The following MGST1 variants were observed in gnomAD, a reference collection of about 807,000 sequenced individuals.
The protein encoded by MGST1 is glutathione S-transferase 12.
In MGST1, 5 loss-of-function variants were observed where a neutral mutation model predicts 8.9. The ratio of observed to expected loss-of-function variants is 0.56; its 90% confidence interval spans 0.29 to 1.19. The LOEUF (loss-of-function observed/expected upper bound fraction) is 1.19. MGST1 is among the 50% of genes most tolerant of loss of function. The pLI, the probability that MGST1 is intolerant of heterozygous loss-of-function variation, is 0.08. For synonymous variants in MGST1, 54 were observed against 67.8 expected (o/e 0.80, Z 1.00); for missense variants, 182 against 187.4 (o/e 0.97, Z 0.17).
rs1288126537 is a variant in MGST1, at chr12:16,482,180, A to T, written n.482+98576A>T. The stretch of plus-strand genomic sequence containing the variant: ...ATGAAAACCAAAGCAAATTACCACC[A>T]GTAGACCTCCAAATTCTGAACTTCT... On this transcript the variant is annotated intron_variant and non_coding_transcript_variant, in intron 4 of 4. Transcript: ENST00000538857. The surrounding 1 kb of genome is among the most constrained non-coding windows in gnomAD (Gnocchi z 4.2). 6.6e-6 allele frequency among the ~76,000 whole-genome samples: 1 copy of T among 152,276 alleles called. No individual in the cohort carries two copies. Among genetic ancestry groups the T allele is most frequent in the Admixed American group, 6.5e-5 (1 of 15,294 alleles).
At chr12:16,541,335 TTC>T (rs1389851218) in intron 4 of MGST1, among the ~76,000 whole-genome samples, 3 of 152,214 alleles carry the variant, frequency 2.0e-5, no homozygotes, top group Non-Finnish European at 4.4e-5. Context: ...CTTTCAAAAC[TTC>T]TTTTATATCT....
chr12:16,553,164 A>T (rs2137259983), intron 4 of MGST1, among the ~76,000 whole-genome samples: 1 of 152,278 alleles, frequency 6.6e-6, no homozygotes, highest in East Asian at 1.9e-4. Flanking sequence ...CAACCTAGAA[A>T]GTAAGCATTG....
At chr12:16,351,027 A>G (rs760358059) in intron 1 of MGST1, among the ~76,000 whole-genome samples, 8 of 151,804 alleles carry the variant, frequency 5.3e-5, no homozygotes, top group Non-Finnish European at 1.0e-4. Flanking sequence ...TTCAATACTG[A>G]TTTTCAATGA....
chr12:16,401,773 G>A lies in MGST1; in HGVS notation n.778+18169G>A. On this transcript the variant is annotated intron_variant and non_coding_transcript_variant, in intron 1 of 1. Coordinates refer to the MGST1 transcript ENST00000359720. The surrounding 1 kb of genome is among the most constrained non-coding windows in gnomAD (Gnocchi z 4.3). The stretch of plus-strand genomic sequence containing the variant: ...ACGGCCTTTTCCACAGACTCAGCCA[G>A]TTTGCTGTGTCAAACTTTCTCATCT... 1 of 1,600,566 alleles carries A rather than the reference G, an allele frequency of 6.2e-7. No individual in the cohort carries two copies. Among genetic ancestry groups the A allele is most frequent in the Non-Finnish European group, 8.6e-7 (1 of 1,167,640 alleles).
intron 4 of MGST1, among the ~76,000 whole-genome samples, chr12:16,449,694 C>T (rs953112256): frequency 1.3e-5 from 2 of 151,896 alleles, no homozygotes; most frequent in African/African-American, 4.8e-5. Flanking sequence ...TGATAAAATC[C>T]TACTCATTTA....
intron 1 of MGST1, among the ~76,000 whole-genome samples, chr12:16,432,044 C>G (rs1435098729): frequency 6.6e-6 from 1 of 152,096 alleles, no homozygotes; most frequent in Non-Finnish European, 1.5e-5. Context: ...TTCAATACTA[C>G]TACTTGATGT....
exon 4 of MGST1, chr12:16,376,367 T>G (rs1322844937): frequency 1.4e-5 from 5 of 369,220 alleles, no homozygotes; most frequent in Non-Finnish European, 2.4e-5. Context: ...ATACCATCTA[T>G]GAAACTGTGT....
chr12:16,585,561 C>T lies in MGST1; in HGVS notation n.483-3967C>T, dbSNP rs554426799. ...TCACAATCTCCCCTTTCCTAAATTCCTCTCACTCAGCTATCTGAGCATCTC... is the reference window on the plus strand; with the variant it reads ...TCACAATCTCCCCTTTCCTAAATTCTTCTCACTCAGCTATCTGAGCATCTC... On this transcript the variant is annotated intron_variant and non_coding_transcript_variant, in intron 4 of 4. Transcript: ENST00000538857. This position sits in a 1 kb window ranked among gnomAD's most constrained non-coding sequence, Gnocchi z 4.7. Among the ~76,000 whole-genome samples the T allele has an allele frequency of 1.4e-4, 21 of 152,258 alleles. No homozygotes were observed. Among genetic ancestry groups the T allele is most frequent in the African/African-American group, 4.8e-4 (20 of 41,550 alleles).
At chr12:16,457,295 C>G (rs1480429616) in intron 4 of MGST1, among the ~76,000 whole-genome samples, 1 of 151,870 alleles carries the variant, frequency 6.6e-6, no homozygotes, top group East Asian at 1.9e-4. Flanking sequence ...TATGTATATA[C>G]ATTTACATTT....
chr12:16,368,343 A>G (rs1940229689), downstream of MGST1, among the ~76,000 whole-genome samples: 1 of 152,202 alleles, frequency 6.6e-6, no homozygotes, highest in Non-Finnish European at 1.5e-5. Flanking sequence ...TCTGAGTTGC[A>G]TAGTTGCATC....
chr12:16,410,542 A>G lies in MGST1; in HGVS notation n.779-26846A>G, dbSNP rs1195518501. Among the ~76,000 whole-genome samples the G allele has an allele frequency of 2.0e-5, 3 of 150,044 alleles. No homozygotes were observed. The highest frequency in any genetic ancestry group is 7.3e-5 in the African/African-American group (3 of 41,086). On this transcript the variant is annotated intron_variant and non_coding_transcript_variant, in intron 1 of 1. Coordinates refer to the MGST1 transcript ENST00000359720. The surrounding 1 kb of genome is among the most constrained non-coding windows in gnomAD (Gnocchi z 4.4). ...CATATATGTGTATATATTTGATTATATATGTTTATACACTATTATATGTAC... is the reference window on the plus strand; with the variant it reads ...CATATATGTGTATATATTTGATTATGTATGTTTATACACTATTATATGTAC...
At chr12:16,493,570 A>G (rs1009403034) in intron 4 of MGST1, among the ~76,000 whole-genome samples, 1 of 152,172 alleles carries the variant, frequency 6.6e-6, no homozygotes, top group East Asian at 1.9e-4. Flanking sequence ...TATAGCAGTG[A>G]CAAATAAGAA....
At chr12:16,571,389 C>T (rs576035737) in intron 4 of MGST1, among the ~76,000 whole-genome samples, 29 of 152,180 alleles carry the variant, frequency 1.9e-4, no homozygotes, top group African/African-American at 7.0e-4. Context: ...TAATATCCAA[C>T]ACCATTTATC....
chr12:16,517,054 A>C lies in MGST1; in HGVS notation n.483-72474A>C, dbSNP rs2137185598. On this transcript the variant is annotated intron_variant and non_coding_transcript_variant, in intron 4 of 4. Transcript: ENST00000538857. This position sits in a 1 kb window ranked among gnomAD's most constrained non-coding sequence, Gnocchi z 4.2. ...GGCTACAGTGAGCTGAACCCCCAAG[A>C]ATATAGACATGAATGAAATTGGAGT... Among the ~76,000 whole-genome samples the C allele has an allele frequency of 1.3e-5, 2 of 152,318 alleles. No homozygotes were observed. The highest frequency in any genetic ancestry group is 4.8e-5 in the African/African-American group (2 of 41,586).
At chr12:16,468,667 T>C (rs1435313265) in intron 4 of MGST1, among the ~76,000 whole-genome samples, 1 of 152,156 alleles carries the variant, frequency 6.6e-6, no homozygotes, top group Non-Finnish European at 1.5e-5. Context: ...TCTGTTGGAG[T>C]GCTATATACA....
At chr12:16,376,266 A>T in exon 4 of MGST1, 1 of 567,626 alleles carries the variant, frequency 1.8e-6, no homozygotes. Context: ...TCAACATCTA[A>T]TGAGTTAATG....
chr12:16,550,111 T>G (rs2137235512), intron 4 of MGST1: 1 of 152,198 alleles, frequency 6.6e-6, no homozygotes, highest in African/African-American at 2.4e-5. Context: ...CTATGAGCAT[T>G]ATGTTGCTCC....
rs1941196896 is a variant in MGST1 at position 16,458,675 on chromosome 12, G to A, written n.482+75071G>A. Among the ~76,000 whole-genome samples, 1 of 152,026 alleles carries A rather than the reference G, an allele frequency of 6.6e-6. No homozygotes were observed. Among genetic ancestry groups the A allele is most frequent in the African/African-American group, 2.4e-5 (1 of 41,426 alleles). ...ATGGAATATCAGTAGGTAGGCAGTTGAGTATTTATATGAGAGTTATTGTGA... is the reference window on the plus strand; with the variant it reads ...ATGGAATATCAGTAGGTAGGCAGTTAAGTATTTATATGAGAGTTATTGTGA... On this transcript the variant is annotated intron_variant and non_coding_transcript_variant, in intron 4 of 4. Coordinates refer to the MGST1 transcript ENST00000538857. The surrounding 1 kb of genome is among the most constrained non-coding windows in gnomAD (Gnocchi z 4.0).
chr12:16,556,701 C>T (rs901174239), intron 4 of MGST1, among the ~76,000 whole-genome samples: 1 of 152,158 alleles, frequency 6.6e-6, no homozygotes, highest in Non-Finnish European at 1.5e-5. Flanking sequence ...CTGGAGGAGA[C>T]TGAAGCAAAC....
Sources: gnomAD v4.1 joint callset for allele counts (sites outside exome capture counted in the v4.1 genomes callset) on GRCh38, gnomAD v4.1.1 for gene constraint, Gnocchi (gnomAD v3.1) non-coding constraint, MANE v1.5 for transcripts, NCBI Gene and HGNC (gene_info 2026-07-23, HGNC 2026-07-21) for gene names.